CELF5: variants seen among roughly 807,000 people sequenced by gnomAD.
The protein encoded by CELF5 is CUG-BP and ETR-3 like factor 5.
In CELF5, 6 loss-of-function variants were observed where a neutral mutation model predicts 54.9. The observed-to-expected ratio is 0.11, with a 90% confidence interval of 0.06 to 0.22. The LOEUF is 0.22. CELF5 is among the 10% of genes least tolerant of loss of function. CELF5 has a pLI of 1.00. For synonymous variants in CELF5, 271 were observed against 290.9 expected (o/e 0.93, Z 0.70); for missense variants, 401 against 678.6 (o/e 0.59, Z 4.54).
At chr19:3,290,524 C>T in intron 11 of CELF5, 150 bp downstream of exon 11, 1 of 757,942 alleles carries the variant, frequency 1.3e-6, no homozygotes, top group East Asian at 2.6e-5. Flanking sequence ...GTGGATCACG[C>T]CTGTGATCCC....
chr19:3,227,528 T>C (rs1916993790), intron 1 of CELF5, among the ~76,000 whole-genome samples: 1 of 152,022 alleles, frequency 6.6e-6, no homozygotes, highest in Non-Finnish European at 1.5e-5. Context: ...CCCATGAGAC[T>C]GGGCACAGGA....
intron 2 of CELF5, among the ~76,000 whole-genome samples, chr19:3,251,962 A>G (rs2079657216): frequency 6.6e-6 from 1 of 152,008 alleles, no homozygotes. Flanking sequence ...GGTGCGAGCC[A>G]CCAGGCCCGG....
intron 1 of CELF5, among the ~76,000 whole-genome samples, chr19:3,227,854 G>C (rs1335559760): frequency 6.6e-6 from 1 of 152,094 alleles, no homozygotes; most frequent in Admixed American, 6.5e-5. Context: ...GTGACATAGG[G>C]GTGACAGGTT....
rs1294625934 is a variant in CELF5 at position 3,275,717 on chromosome 19, C to T, written c.395-139C>T. 2 of 884,480 alleles carry T rather than the reference C, an allele frequency of 2.3e-6. No homozygotes were observed. Among genetic ancestry groups the T allele is most frequent in the Admixed American group, 5.9e-5 (2 of 33,808 alleles). The allele number at this position is 884,480 out of a possible 1,614,324, so 54.8% of individuals were successfully genotyped here. A position where few individuals can be genotyped will look rare whatever the true frequency, so the allele number is the denominator to read the frequency against. On this transcript the variant is annotated intron_variant, in intron 3 of 12. Coordinates refer to ENST00000292672, the MANE Select transcript of CELF5 (RefSeq NM_021938.4). The surrounding 1 kb of genome is among the most constrained non-coding windows in gnomAD (Gnocchi z 6.7). ...GGGCGCGGCTGGGTCCTCCCTCGCA[C>T]GCGCAGAACCGGAGCCGGCAGGGCC...
At chr19:3,274,073 T>TC in intron 3 of CELF5, 150 bp downstream of exon 3, 3 of 737,326 alleles carry the variant, frequency 4.1e-6, no homozygotes, top group Non-Finnish European at 6.9e-6. Context: ...CATGCAGTAG[T>TC]CGCATGCCTG....
At chr19:3,252,486 C>T (rs952897573) in intron 2 of CELF5, among the ~76,000 whole-genome samples, 19 of 152,164 alleles carry the variant, frequency 1.2e-4, no homozygotes, top group Non-Finnish European at 1.6e-4. Flanking sequence ...TGAGCCACGG[C>T]GCCCCACCTT....
At chr19:3,241,452 C>T (rs1396388399) in intron 1 of CELF5, among the ~76,000 whole-genome samples, 1 of 151,914 alleles carries the variant, frequency 6.6e-6, no homozygotes, top group Admixed American at 6.6e-5. Context: ...CATTCTGAAC[C>T]ATTGATCCCA....
chr19:3,237,734 T>G (rs2079435764), intron 1 of CELF5, among the ~76,000 whole-genome samples: 1 of 152,184 alleles, frequency 6.6e-6, no homozygotes, highest in Non-Finnish European at 1.5e-5. Context: ...GCCAACCTCC[T>G]ATCTCATCTC....
chr19:3,264,558 G>A (rs1157805023), intron 2 of CELF5, among the ~76,000 whole-genome samples: 2 of 151,792 alleles, frequency 1.3e-5, no homozygotes, highest in Non-Finnish European at 2.9e-5. Flanking sequence ...TGGGACTACA[G>A]GCACCCGCCA....
At chr19:3,252,295 A>G (rs1213996909) in intron 2 of CELF5, among the ~76,000 whole-genome samples, 1 of 152,158 alleles carries the variant, frequency 6.6e-6, no homozygotes, top group African/African-American at 2.4e-5. Context: ...TCGGCCTCCC[A>G]AAGTGCTGGG....
At chr19:3,293,599 G>A (rs2080388031) in intron 12 of CELF5, 113 bp downstream of exon 12, 1 of 887,766 alleles carries the variant, frequency 1.1e-6, no homozygotes, top group African/African-American at 1.7e-5. Flanking sequence ...TGCTTCAAGA[G>A]GCTACAAGAA....
At chr19:3,237,572 C>G (rs2079433956) in intron 1 of CELF5, among the ~76,000 whole-genome samples, 1 of 152,116 alleles carries the variant, frequency 6.6e-6, no homozygotes, top group South Asian at 2.1e-4. Flanking sequence ...TCTTAGCATG[C>G]TAATGCATTA....
intron 1 of CELF5, among the ~76,000 whole-genome samples, chr19:3,243,104 G>A (rs1007213672): frequency 1.3e-5 from 2 of 152,050 alleles, no homozygotes; most frequent in African/African-American, 4.8e-5. Flanking sequence ...CTGCATAGGG[G>A]CTACTATGAG....
chr19:3,248,910 C>T (rs920554866), intron 1 of CELF5, among the ~76,000 whole-genome samples: 9 of 119,230 alleles, frequency 7.5e-5, no homozygotes, highest in Non-Finnish European at 1.2e-4. Flanking sequence ...TCCTTCCTTT[C>T]TTTCTTTCTT....
At chr19:3,262,130 G>A (rs1444759543) in intron 2 of CELF5, among the ~76,000 whole-genome samples, 3 of 152,070 alleles carry the variant, frequency 2.0e-5, no homozygotes, top group South Asian at 4.1e-4. Flanking sequence ...CGCCTCCTTG[G>A]TTCAAGCCAT....
chr19:3,232,587 T>C (rs1917320898), intron 1 of CELF5, among the ~76,000 whole-genome samples: 1 of 152,064 alleles, frequency 6.6e-6, no homozygotes, highest in African/African-American at 2.4e-5. Context: ...GTGATTCATG[T>C]AATTAACCTG....
chr19:3,235,036 C>A (rs186030391), intron 1 of CELF5, among the ~76,000 whole-genome samples: 2 of 152,114 alleles, frequency 1.3e-5, no homozygotes, highest in East Asian at 1.9e-4. Context: ...TGACCTGCCT[C>A]ATCCCCTTCA....
chr19:3,284,657 G>A (rs2080204193), intron 8 of CELF5: 1 of 554,504 alleles, frequency 1.8e-6, no homozygotes, highest in Non-Finnish European at 3.3e-6. Context: ...TGGGGACGAT[G>A]GTGATCTCTC....
At chr19:3,287,545 C>T (rs933280772) in intron 10 of CELF5, among the ~76,000 whole-genome samples, 1 of 144,810 alleles carries the variant, frequency 6.9e-6, no homozygotes, top group Non-Finnish European at 1.5e-5. Flanking sequence ...GGCAACAGAG[C>T]GAGACTCCAT....
Sources: allele counts gnomAD v4.1 joint callset (sites outside exome capture counted in the v4.1 genomes callset), GRCh38; gene constraint gnomAD v4.1.1; non-coding constraint Gnocchi (gnomAD v3.1); transcripts MANE v1.5; gene names NCBI Gene and HGNC (gene_info 2026-07-23, HGNC 2026-07-21).